Variants in MTCL1 observed in about 807,000 individuals in gnomAD.
The protein encoded by MTCL1 is microtubule cross-linking factor 1.
MTCL1 carries 79 observed loss-of-function variants against 141.4 expected under a neutral mutation model. The observed-to-expected ratio is 0.56, with a 90% CI of 0.47 to 0.67. MTCL1 has a LOEUF of 0.67. Ranked by LOEUF, MTCL1 falls within the 30% of genes least tolerant of loss-of-function variation. MTCL1 has a pLI of 0.00. For missense variants in MTCL1, 2,177 were observed against 2,113.9 expected, an observed-to-expected ratio of 1.03 and a Z score of -0.59; for synonymous variants, 914 against 875.8, an observed-to-expected ratio of 1.04 and a Z score of -0.77.
chr18:8,815,514 T>C (rs897647041), intron 12 of MTCL1, among the ~76,000 whole-genome samples: 2 of 151,734 alleles, frequency 1.3e-5, no homozygotes, highest in Non-Finnish European at 2.9e-5. Context: ...TTATACCTAA[T>C]GCTAAATGAC....
chr18:8,786,112 C>CCCCCCCCCCA, intron 7 of MTCL1, 21 bp downstream of exon 6: 29 of 1,362,930 alleles, frequency 2.1e-5, no homozygotes, highest in South Asian at 1.3e-4. Flanking sequence ...GCAAGCAATC[C>CCCCCCCCCCA]CCCCCCCCCG....
At chr18:8,784,390 G>A (rs569419751) in exon 6 of MTCL1, 26 of 1,527,562 alleles carry the variant, frequency 1.7e-5, no homozygotes, top group East Asian at 2.3e-5. Context: ...AGAAGACGTC[G>A]GGCTTCGGGA....
intron 12 of MTCL1, among the ~76,000 whole-genome samples, chr18:8,814,424 A>G (rs1042151004): frequency 1.3e-5 from 2 of 152,210 alleles, no homozygotes; most frequent in African/African-American, 4.8e-5. Flanking sequence ...CAAATGAGTC[A>G]CCTTACTAAT....
At chr18:8,831,883 C>A (rs2144583118) in exon 17 of MTCL1, 2 of 1,463,640 alleles carry the variant, frequency 1.4e-6, no homozygotes, top group South Asian at 1.2e-5. Flanking sequence ...CTCTGCCCAA[C>A]AGGAGAGATC....
At chr18:8,755,520 C>G (rs892007059) in intron 4 of MTCL1, among the ~76,000 whole-genome samples, 1 of 152,134 alleles carries the variant, frequency 6.6e-6, no homozygotes, top group African/African-American at 2.4e-5. Flanking sequence ...ACATCTCACA[C>G]GCTTCTCCTC....
intron 4 of MTCL1, among the ~76,000 whole-genome samples, chr18:8,727,148 C>T (rs1030500369): frequency 6.6e-6 from 1 of 152,128 alleles, no homozygotes; most frequent in Non-Finnish European, 1.5e-5. Flanking sequence ...TTTTTTATTG[C>T]TGCGTAGTAT....
At chr18:8,774,073 G>A (rs1037283524) in intron 4 of MTCL1, among the ~76,000 whole-genome samples, 3 of 152,198 alleles carry the variant, frequency 2.0e-5, no homozygotes, top group African/African-American at 7.2e-5. Context: ...CCCTCGCAGT[G>A]GAGAGCAGCC....
chr18:8,805,571 C>T (rs2076272064), intron 10 of MTCL1, among the ~76,000 whole-genome samples: 1 of 152,124 alleles, frequency 6.6e-6, no homozygotes, highest in Non-Finnish European at 1.5e-5. Flanking sequence ...AGAAGCATGA[C>T]TGTGGAGTGA....
intron 4 of MTCL1, among the ~76,000 whole-genome samples, chr18:8,760,113 G>A (rs1044611747): frequency 6.6e-6 from 1 of 152,206 alleles, no homozygotes; most frequent in Admixed American, 6.5e-5. Flanking sequence ...TGGAACATGG[G>A]CTCACCTCAT....
intron 4 of MTCL1, among the ~76,000 whole-genome samples, chr18:8,756,600 G>A (rs2096403032): frequency 6.6e-6 from 1 of 151,588 alleles, no homozygotes; most frequent in Non-Finnish European, 1.5e-5. Flanking sequence ...CTTAGGTGGA[G>A]TTTCAGGAAT....
rs147203549 is a variant in MTCL1 at position 8,825,458 on chromosome 18, G to A, written c.3948G>A (p.Thr1316=). The A allele has an allele frequency of 1.3e-4, 203 of 1,596,434 alleles. 1 individual carries two copies. In the Admixed American group the frequency reaches 2.2e-3, roughly 18 times the overall value. Reference sequence around the variant, plus strand: ...CCTGCCAGACCAATGGGTCCCGGACGATGGGGACCCAGACTGTTCAGACCA... The same window carrying A: ...CCTGCCAGACCAATGGGTCCCGGACAATGGGGACCCAGACTGTTCAGACCA... Residue 1316 remains threonine, a synonymous_variant, in exon 15 of 17, where the codon ACG becomes ACA. Coordinates refer to ENST00000359865, the Ensembl canonical transcript of MTCL1.
At position 8,830,462 on chromosome 18, in the gene MTCL1, C is replaced by T; in HGVS notation, c.*19-1145C>T. ...CCACGCTGTCCTCGGGCCATGCTGT[C>T]TCTGCCGTGTTCCATCTTCTCCCGA... On this transcript the variant is annotated intron_variant, in intron 16 of 16. Transcript: ENST00000359865. This position sits in a 1 kb window ranked among gnomAD's most constrained non-coding sequence, Gnocchi z 6.4. 1 of 985,708 alleles carries T rather than the reference C, an allele frequency of 1.0e-6. No homozygotes were observed. The highest frequency in any genetic ancestry group is 1.2e-6 in the Non-Finnish European group (1 of 830,132). The allele number at this position is 985,708 out of a possible 1,614,324, so 61.1% of individuals were successfully genotyped here. A position where few individuals can be genotyped will look rare whatever the true frequency, so the allele number is the denominator to read the frequency against.
exon 13 of MTCL1, chr18:8,819,070 A>T (rs2144352422): frequency 6.2e-7 from 1 of 1,614,268 alleles, no homozygotes; most frequent in East Asian, 2.2e-5. Context: ...TGCCCCGTCC[A>T]GTGGCCATGT....
At chr18:8,731,679 T>C (rs185339823) in intron 4 of MTCL1, among the ~76,000 whole-genome samples, 100 of 152,162 alleles carry the variant, frequency 6.6e-4, no homozygotes, top group African/African-American at 2.1e-3. Context: ...GTCTGTGCTA[T>C]GGGAAAAATA....
exon 17 of MTCL1, chr18:8,831,692 G>C (rs1332210512): frequency 3.2e-6 from 5 of 1,550,342 alleles, no homozygotes; most frequent in Non-Finnish European, 4.4e-6. Flanking sequence ...CCTCCGTCCC[G>C]TTGGGCCCCA....
Position 8,822,406 on chromosome 18 carries a change from A to G in MTCL1, c.3188+908A>G, listed in dbSNP as rs1026591293. The stretch of plus-strand genomic sequence containing the variant: ...GCCCCCTGGGTTCAAGCAATTCTGC[A>G]TCAGCCTCCCAAGTAGCTGGGATTA... On this transcript the variant is annotated intron_variant, in intron 14 of 16. Transcript: ENST00000359865. This position sits in a 1 kb window ranked among gnomAD's most constrained non-coding sequence, Gnocchi z 4.6. Among the ~76,000 whole-genome samples, 1 of 152,182 alleles carries G rather than the reference A, an allele frequency of 6.6e-6. No individual in the cohort carries two copies. The highest frequency in any genetic ancestry group is 2.4e-5 in the African/African-American group (1 of 41,458).
chr18:8,758,102 G>A (rs1234312455), intron 4 of MTCL1, among the ~76,000 whole-genome samples: 1 of 148,418 alleles, frequency 6.7e-6, no homozygotes, highest in Non-Finnish European at 1.5e-5. Context: ...TCGGCTCACA[G>A]CAACCTCCAC....
chr18:8,707,009 G>A, intron 1 of MTCL1: 1 of 368,592 alleles, frequency 2.7e-6, no homozygotes, highest in Non-Finnish European at 4.8e-6. Flanking sequence ...AGAGGAGGCT[G>A]TAATCGTTTT....
intron 4 of MTCL1, among the ~76,000 whole-genome samples, chr18:8,739,325 CT>C (rs980959637): frequency 7.9e-5 from 12 of 152,144 alleles, no homozygotes; most frequent in African/African-American, 2.9e-4. Flanking sequence ...AGGCAGGGGC[CT>C]ATTTCACCAG....
Sources: allele counts gnomAD v4.1 joint callset (sites outside exome capture counted in the v4.1 genomes callset), GRCh38; gene constraint gnomAD v4.1.1; non-coding constraint Gnocchi (gnomAD v3.1); transcripts MANE v1.5; gene names NCBI Gene and HGNC (gene_info 2026-07-23, HGNC 2026-07-21).